Variants in PCDHGB6 observed in about 807,000 individuals in gnomAD.
PCDHGB6 encodes protocadherin gamma subfamily B, 6.
Under a neutral mutation model 59.1 loss-of-function variants are expected in PCDHGB6, and 51 were observed. The ratio of observed to expected loss-of-function variants is 0.86; its 90% CI spans 0.69 to 1.09. The LOEUF (loss-of-function observed/expected upper bound fraction) is 1.09, where lower values mean the gene tolerates loss of function less well. Among genes scored for constraint, PCDHGB6 ranks in the 50% least tolerant of loss-of-function variants. The pLI is 0.00. For missense variants in PCDHGB6, 1,148 were observed against 1,205.1 expected (o/e 0.95, Z 0.70); for synonymous variants, 466 against 495.1 (o/e 0.94, Z 0.78).
At chr5:141,416,400 C>CT (rs1028319330) in intron 1 of PCDHGB6, 1 of 152,036 alleles carries the variant, frequency 6.6e-6, no homozygotes, top group African/African-American at 2.4e-5. Flanking sequence ...CTGCTTTTGT[C>CT]TTTTTTGTTA....
intron 1 of PCDHGB6, chr5:141,417,577 C>A: frequency 2.3e-6 from 1 of 439,676 alleles, no homozygotes; most frequent in Non-Finnish European, 4.0e-6. Flanking sequence ...AAGTTGCAGT[C>A]CCACACAGAG....
intron 1 of PCDHGB6, among the ~76,000 whole-genome samples, chr5:141,443,323 A>AG (rs1262238603): frequency 1.3e-5 from 2 of 151,732 alleles, no homozygotes; most frequent in African/African-American, 4.9e-5. Context: ...TCTACAAAAA[A>AG]AAAAAACAAA....
At chr5:141,474,772 G>T (rs1053853138) in intron 1 of PCDHGB6, among the ~76,000 whole-genome samples, 1 of 152,182 alleles carries the variant, frequency 6.6e-6, no homozygotes, top group Non-Finnish European at 1.5e-5. Context: ...AATAGTATGA[G>T]GCTCTAACAC....
chr5:141,409,868 A>G lies in PCDHGB6; in HGVS notation c.1666A>G (p.Asn556Asp). ...CCTGCGCGTGTTGGTGGGAGACCGC[A>G]ATGACAACGCACCGCGGGTGCTGTA... Reference protein sequence around the residue: ...VSLRVLVGDRNDNAPRVLYPA... With the variant: ...VSLRVLVGDRDDNAPRVLYPA... The change falls in exon 1 of 4, where the codon AAT (asparagine) becomes GAT (aspartate). Residue 556 changes from asparagine to aspartate, a missense_variant. By Grantham distance (23) the Asn-to-Asp change is conservative. Coordinates refer to ENST00000520790, the MANE Select transcript of PCDHGB6 (RefSeq NM_018926.3). 2 of 1,612,688 alleles carry G rather than the reference A, an allele frequency of 1.2e-6. No individual in the cohort carries two copies. The highest frequency in any genetic ancestry group is 1.1e-5 in the South Asian group (1 of 91,020).
intron 1 of PCDHGB6, chr5:141,422,667 G>A (rs1283968031): frequency 1.9e-6 from 3 of 1,607,536 alleles, no homozygotes; most frequent in South Asian, 1.1e-5. Context: ...CCCTCGACCC[G>A]GACAGCAAAC....
chr5:141,489,246 G>A lies in PCDHGB6; in HGVS notation c.2419-5561G>A, dbSNP rs141115698. On this transcript the variant is annotated intron_variant, in intron 1 of 3. Coordinates refer to ENST00000520790, the MANE Select transcript of PCDHGB6 (RefSeq NM_018926.3). The surrounding 1 kb of genome is among the most constrained non-coding windows in gnomAD (Gnocchi z 4.5). Reference sequence around the variant, plus strand: ...CACAAAGGGACTTCTGGGTCATGGGGCCCAAGACACTCCCACAGCTCGCTG... The same window carrying A: ...CACAAAGGGACTTCTGGGTCATGGGACCCAAGACACTCCCACAGCTCGCTG... 750 of 1,544,746 alleles carry A rather than the reference G, an allele frequency of 4.9e-4. No homozygotes were observed. The highest frequency in any genetic ancestry group is 6.3e-4 in the Non-Finnish European group (726 of 1,145,538).
intron 1 of PCDHGB6, among the ~76,000 whole-genome samples, chr5:141,456,703 G>T (rs528071544): frequency 1.3e-5 from 2 of 152,062 alleles, no homozygotes; most frequent in Non-Finnish European, 2.9e-5. Context: ...GGTGGCTCGC[G>T]CCTGTAATCC....
intron 1 of PCDHGB6, chr5:141,479,772 G>A (rs904607838): frequency 1.3e-5 from 2 of 152,192 alleles, no homozygotes; most frequent in Non-Finnish European, 2.9e-5. Flanking sequence ...CATATCCTTA[G>A]ACAGGTAAAG....
At chr5:141,439,727 C>G (rs940325016) in intron 1 of PCDHGB6, 2 of 152,406 alleles carry the variant, frequency 1.3e-5, no homozygotes, top group Non-Finnish European at 2.9e-5. Context: ...AAATTATAAG[C>G]AGGAACGGAA....
At chr5:141,435,884 C>G (rs1020738994) in intron 1 of PCDHGB6, among the ~76,000 whole-genome samples, 9 of 152,070 alleles carry the variant, frequency 5.9e-5, no homozygotes, top group African/African-American at 1.9e-4. Flanking sequence ...ATTGGAAACC[C>G]CTTAGAGAAT....
chr5:141,459,510 T>G (rs1449866159), intron 1 of PCDHGB6, among the ~76,000 whole-genome samples: 1 of 152,252 alleles, frequency 6.6e-6, no homozygotes, highest in Non-Finnish European at 1.5e-5. Context: ...TGAACAATCA[T>G]GTACAAGTAT....
Position 141,408,344 on chromosome 5 carries a change from G to A in PCDHGB6, c.142G>A (p.Gly48Arg). Residue 48 changes from glycine to arginine, a missense_variant, in exon 1 of 4, where the codon GGG becomes AGG. Coordinates refer to ENST00000520790, the MANE Select transcript of PCDHGB6 (RefSeq NM_018926.3). Reference sequence around the variant, plus strand: ...GGAGCTGGCCAAGGGCTCGGTGGTGGGGAACCTCGCTAAGGATCTAGGGCT... The same window carrying A: ...GGAGCTGGCCAAGGGCTCGGTGGTGAGGAACCTCGCTAAGGATCTAGGGCT... The part of the protein sequence containing the change: ...PEELAKGSVV[G>R]NLAKDLGLSV... 1 of 1,613,958 alleles carries A rather than the reference G, an allele frequency of 6.2e-7. No individual in the cohort carries two copies. Among genetic ancestry groups the A allele is most frequent in the East Asian group, 2.2e-5 (1 of 44,894 alleles).
chr5:141,432,521 G>A lies in PCDHGB6; in HGVS notation c.2418+21901G>A. The stretch of plus-strand genomic sequence containing the variant: ...CCGCTCCGCAGAGCCCGGCTACCTG[G>A]TGACCAAGGTGGTGGCGGTGGACAG... On this transcript the variant is annotated intron_variant, in intron 1 of 3. Coordinates refer to ENST00000520790, the MANE Select transcript of PCDHGB6 (RefSeq NM_018926.3). The surrounding 1 kb of genome is among the most constrained non-coding windows in gnomAD (Gnocchi z 6.0). The A allele has an allele frequency of 6.2e-7, 1 of 1,614,112 alleles. No homozygotes were observed. Among genetic ancestry groups the A allele is most frequent in the Non-Finnish European group, 8.5e-7 (1 of 1,180,028 alleles).
In PCDHGB6 at chr5:141,410,540, G is replaced by C. The variant is rs1301173391; in HGVS notation, c.2338G>C (p.Val780Leu). ...SVPLHSNEDM[V>L]CSVSPGALIP... ...GCCCCTACATTCCAATGAAGACATGGTTTGCAGTGTTTCTCCTGGAGCCTT... is the reference window on the plus strand; with the variant it reads ...GCCCCTACATTCCAATGAAGACATGCTTTGCAGTGTTTCTCCTGGAGCCTT... The change falls in exon 1 of 4, where the codon GTT (valine) becomes CTT (leucine). Residue 780 changes from valine to leucine, a missense_variant. Around this residue, in one of 5 missense-constraint regions of PCDHGB6, gnomAD observed 283 missense variants for 318.6 expected, o/e 0.89. Coordinates refer to ENST00000520790, the MANE Select transcript of PCDHGB6 (RefSeq NM_018926.3). The C allele has an allele frequency of 6.2e-7, 1 of 1,613,702 alleles. No individual in the cohort carries two copies.
At chr5:141,438,268 C>T (rs949472857) in intron 1 of PCDHGB6, among the ~76,000 whole-genome samples, 1 of 152,054 alleles carries the variant, frequency 6.6e-6, no homozygotes. Flanking sequence ...ACCATAGAAT[C>T]AAACAAAATA....
intron 1 of PCDHGB6, chr5:141,418,432 T>A: frequency 6.2e-7 from 1 of 1,613,956 alleles, no homozygotes; most frequent in East Asian, 2.2e-5. Context: ...GTGGCAAATA[T>A]CCAGAATTAG....
intron 1 of PCDHGB6, among the ~76,000 whole-genome samples, chr5:141,467,591 T>C (rs765816743): frequency 3.3e-5 from 5 of 152,360 alleles, no homozygotes; most frequent in South Asian, 4.1e-4. Flanking sequence ...ATGCCATTTA[T>C]TAAGCACTTC....
chr5:141,444,551 G>A (rs758187608), intron 1 of PCDHGB6, among the ~76,000 whole-genome samples: 1 of 152,022 alleles, frequency 6.6e-6, no homozygotes, highest in Non-Finnish European at 1.5e-5. Context: ...TGAGCAAAAG[G>A]CACTTATTTG....
At chr5:141,507,815 C>G (rs936926937) in intron 3 of PCDHGB6, among the ~76,000 whole-genome samples, 2 of 152,204 alleles carry the variant, frequency 1.3e-5, no homozygotes, top group African/African-American at 4.8e-5. Context: ...GGAACGGACC[C>G]TGGGGGTGGA....
Sources: allele counts gnomAD v4.1 joint callset (sites outside exome capture counted in the v4.1 genomes callset), GRCh38; gene constraint gnomAD v4.1.1; regional missense constraint gnomAD v4.1.1; non-coding constraint Gnocchi (gnomAD v3.1); transcripts MANE v1.5; gene names NCBI Gene and HGNC (gene_info 2026-07-23, HGNC 2026-07-21).